TBCK: variants seen among roughly 807,000 people sequenced by gnomAD.
The protein encoded by TBCK is TBC domain-containing protein kinase-like protein.
In TBCK, 99 loss-of-function variants were observed where a neutral mutation model predicts 113.4. The observed-to-expected ratio is 0.87, with a 90% CI of 0.74 to 1.03. The LOEUF (loss-of-function observed/expected upper bound fraction) is 1.03, where lower values mean the gene tolerates loss of function less well. Among genes scored for constraint, TBCK ranks in the 50% least tolerant of loss-of-function variants. The pLI, the probability that TBCK is intolerant of heterozygous loss-of-function variation, is 0.00. For missense variants in TBCK, 1,045 were observed against 1,061.3 expected (o/e 0.98, Z 0.21); for synonymous variants, 369 against 370.8 (o/e 1.00, Z 0.05).
chr4:106,126,196 T>C (rs1745193413), intron 23 of TBCK, among the ~76,000 whole-genome samples: 1 of 152,240 alleles, frequency 6.6e-6, no homozygotes, highest in Admixed American at 6.5e-5. Flanking sequence ...GAAGAAGGCC[T>C]TTCTTTTTAA....
chr4:106,309,319 T>C lies in TBCK; in HGVS notation c.-29-330A>G, dbSNP rs1012580878. 9.2e-5 allele frequency among the ~76,000 whole-genome samples: 10 copies of C among 109,026 alleles called. No individual in the cohort carries two copies. In the South Asian group the frequency reaches 4.1e-3, roughly 45 times the overall value. The allele number at this position is 109,026 out of a possible 152,430, so 71.5% of individuals were successfully genotyped here. On this transcript the variant is annotated intron_variant, in intron 1 of 25. Transcript: ENST00000394708. ...AAGGCTCTTCTCTTTTTTTTTTTTT[T>C]TTTTTTTTTTTTTGAGACAGTCTCG...
At chr4:106,253,153 A>G (rs533237042) in intron 5 of TBCK, among the ~76,000 whole-genome samples, 2 of 152,078 alleles carry the variant, frequency 1.3e-5, no homozygotes, top group South Asian at 4.1e-4. Context: ...ATTCTCTTCC[A>G]TTTCCTGATG....
rs1747078035 is a variant in TBCK at position 106,140,814 on chromosome 4, T to C, written c.2236-24436A>G. On this transcript the variant is annotated intron_variant, in intron 23 of 25. Coordinates refer to ENST00000394708, the MANE Select transcript of TBCK (RefSeq NM_001163435.3). ...CAGTGGTGATCAGAGACTTTAAATATACCCTTGACTTAAACCGAAAGTTTG... is the reference window on the plus strand; with the variant it reads ...CAGTGGTGATCAGAGACTTTAAATACACCCTTGACTTAAACCGAAAGTTTG... Among the ~76,000 whole-genome samples, 2 of 139,702 alleles carry C rather than the reference T, an allele frequency of 1.4e-5. 1 individual carries two copies. The highest frequency in any genetic ancestry group is 3.2e-5 in the Non-Finnish European group (2 of 61,552). The allele number at this position is 139,702 out of a possible 152,430, so 91.6% of individuals were successfully genotyped here. A position where few individuals can be genotyped will look rare whatever the true frequency, so the allele number is the denominator to read the frequency against.
intron 2 of TBCK, 39 bp from the exon 3 acceptor site, chr4:106,295,205 A>G: frequency 6.3e-7 from 1 of 1,587,250 alleles, no homozygotes; most frequent in Non-Finnish European, 8.6e-7. Flanking sequence ...TATTTTATCA[A>G]TACAACATGT....
At chr4:106,183,473 T>C (rs1041788537) in intron 22 of TBCK, among the ~76,000 whole-genome samples, 2 of 151,992 alleles carry the variant, frequency 1.3e-5, no homozygotes, top group Non-Finnish European at 2.9e-5. Context: ...CATATCTGTG[T>C]TATCCTTATA....
At chr4:106,278,856 T>C (rs1237610078) in intron 3 of TBCK, among the ~76,000 whole-genome samples, 1 of 151,864 alleles carries the variant, frequency 6.6e-6, no homozygotes, top group Non-Finnish European at 1.5e-5. Context: ...TAATGTAAAC[T>C]CTATTGCAAT....
At chr4:106,212,918 AT>A in intron 19 of TBCK, 83 bp from the exon 20 acceptor site, 1 of 855,406 alleles carries the variant, frequency 1.2e-6, no homozygotes, top group Non-Finnish European at 1.9e-6. Flanking sequence ...TTATTTATAC[AT>A]TGAATGAGAT....
In TBCK at chr4:106,242,455, A is replaced by C; in HGVS notation, c.1170+15T>G. 1.3e-6 allele frequency: 2 copies of C among 1,580,102 alleles called. No homozygotes were observed. The highest frequency in any genetic ancestry group is 1.7e-6 in the Non-Finnish European group (2 of 1,163,296). ...AAAAAAACCTAAAGCAGAACTGTCA[A>C]AATATCTTTCTTACATTTCTTAGCT... On this transcript the variant is annotated intron_variant, in intron 12 of 25. Transcript: ENST00000394708.
At chr4:106,076,311 G>T (rs1738186159) in intron 25 of TBCK, among the ~76,000 whole-genome samples, 1 of 152,174 alleles carries the variant, frequency 6.6e-6, no homozygotes, top group Non-Finnish European at 1.5e-5. Flanking sequence ...ACCTAAACAT[G>T]TGATTTTACA....
At chr4:106,192,629 A>C (rs1178575479) in intron 22 of TBCK, among the ~76,000 whole-genome samples, 1 of 152,088 alleles carries the variant, frequency 6.6e-6, no homozygotes, top group Non-Finnish European at 1.5e-5. Context: ...TATTTTTCTT[A>C]TTATTTTCCC....
intron 24 of TBCK, 142 bp from the exon 25 acceptor site, chr4:106,095,783 G>T: frequency 1.7e-6 from 1 of 576,952 alleles, no homozygotes. Flanking sequence ...ATGAAGTAAG[G>T]CACCTCCAGG....
At chr4:106,179,152 T>C (rs1406104559) in intron 22 of TBCK, among the ~76,000 whole-genome samples, 1 of 152,058 alleles carries the variant, frequency 6.6e-6, no homozygotes, top group African/African-American at 2.4e-5. Flanking sequence ...TTTGCTAGTC[T>C]AGCTAAAGGA....
At chr4:106,151,655 C>T (rs1748498402) in intron 23 of TBCK, among the ~76,000 whole-genome samples, 1 of 151,978 alleles carries the variant, frequency 6.6e-6, no homozygotes, top group African/African-American at 2.4e-5. Context: ...ATAGGGATTG[C>T]ATTAAATCTG....
chr4:106,086,610 C>T (rs915589193), intron 25 of TBCK, among the ~76,000 whole-genome samples: 5 of 152,208 alleles, frequency 3.3e-5, no homozygotes, highest in African/African-American at 9.6e-5. Context: ...GATATCAAAA[C>T]CGGGAAGAGA....
At chr4:106,108,375 T>G (rs759218497) in intron 24 of TBCK, among the ~76,000 whole-genome samples, 8 of 152,142 alleles carry the variant, frequency 5.3e-5, no homozygotes, top group Non-Finnish European at 8.8e-5. Flanking sequence ...ACTTGTAAAC[T>G]GAATCCAGCA....
chr4:106,091,814 T>G (rs1740282422), intron 25 of TBCK, among the ~76,000 whole-genome samples: 1 of 152,194 alleles, frequency 6.6e-6, no homozygotes, highest in Non-Finnish European at 1.5e-5. Context: ...CACTGCTGGC[T>G]GGGGCAGCCT....
At position 106,248,904 on chromosome 4, in the gene TBCK, C is replaced by A. The variant is rs369842291; in HGVS notation, c.720+17G>T. On this transcript the variant is annotated intron_variant, in intron 8 of 25. Transcript: ENST00000394708. ...TATAGCAGCACAAATGGACTAAGAC[C>A]CAGATTAATGACAAACCTTTATAAT... 1.9e-6 allele frequency: 3 copies of A among 1,590,380 alleles called. No homozygotes were observed. The African/African-American group carries it at 4.1e-5, about 22-fold the overall frequency.
chr4:106,297,996 C>T (rs1166706875), intron 2 of TBCK, among the ~76,000 whole-genome samples: 2 of 152,182 alleles, frequency 1.3e-5, no homozygotes, highest in Non-Finnish European at 2.9e-5. Flanking sequence ...TATTATTACT[C>T]ATTATTCAGG....
At chr4:106,194,809 A>T in intron 20 of TBCK, 55 bp from the exon 21 acceptor site, 1 of 1,378,432 alleles carries the variant, frequency 7.3e-7, no homozygotes, top group Non-Finnish European at 1.0e-6. Context: ...AAAAAAGATA[A>T]TTAGAATGAT....
Sources: allele counts gnomAD v4.1 joint callset (sites outside exome capture counted in the v4.1 genomes callset), GRCh38; gene constraint gnomAD v4.1.1; transcripts MANE v1.5; gene names NCBI Gene and HGNC (gene_info 2026-07-23, HGNC 2026-07-21).